Variants in MR1 observed in about 807,000 individuals in gnomAD.
MR1 encodes major histocompatibility complex, class I-related, also known as major histocompatibility complex class I-related protein 1.
A neutral mutation model predicts 37.8 loss-of-function variants in MR1; 44 were observed. That is an observed-to-expected ratio of 1.16 (90% CI 0.91 to 1.50). The LOEUF (loss-of-function observed/expected upper bound fraction) is 1.50. Ranked by LOEUF, MR1 falls within the 40% of genes most tolerant of loss-of-function variation. The pLI is 0.00. For synonymous variants in MR1, 153 were observed against 155.8 expected (o/e 0.98, Z 0.13); for missense variants, 386 against 419.1 (o/e 0.92, Z 0.69).
At chr1:181,052,075 C>T (rs1449601221) in intron 3 of MR1, among the ~76,000 whole-genome samples, 160 bp from the exon 4 acceptor site, 4 of 152,162 alleles carry the variant, frequency 2.6e-5, no homozygotes, top group Non-Finnish European at 4.4e-5. Flanking sequence ...GGAAGGTATA[C>T]GTAAATACGT....
At chr1:181,053,719 C>T in intron 5 of MR1, 42 bp downstream of exon 5, 1 of 1,351,718 alleles carries the variant, frequency 7.4e-7, no homozygotes, top group Non-Finnish European at 1.1e-6. Context: ...TGCAGACTCT[C>T]CTGCATCTCT....
In MR1 at chr1:181,060,172, T is replaced by G. The variant is rs1295668223; in HGVS notation, c.*4907T>G. 6.6e-6 allele frequency: 1 copy of G among 152,162 alleles called. No homozygotes were observed. Among genetic ancestry groups the G allele is most frequent in the Non-Finnish European group, 1.5e-5 (1 of 68,040 alleles). 9.4% of individuals were successfully genotyped at this position (152,162 alleles called of 1,614,324 possible). On this transcript the variant is annotated 3_prime_UTR_variant, in exon 6 of 6. Transcript: ENST00000367580. ...GTTCCTTGCCTTCTGGCTGCGTAAC[T>G]CTAGTCTTCATTTGGTGTTCTCCCT... is the stretch of plus-strand genomic sequence containing the variant.
At chr1:181,042,385 G>A (rs1657602539) in intron 1 of MR1, among the ~76,000 whole-genome samples, 1 of 151,346 alleles carries the variant, frequency 6.6e-6, no homozygotes, top group Non-Finnish European at 1.5e-5. Context: ...ATTTTTAGTA[G>A]AGATGGGGTT....
In MR1 at chr1:181,058,534, T is replaced by A. The variant is rs1658733254; in HGVS notation, c.*3269T>A. 2 of 152,234 alleles carry A rather than the reference T, an allele frequency of 1.3e-5. No homozygotes were observed. Among genetic ancestry groups the A allele is most frequent in the South Asian group, 4.1e-4 (2 of 4,826 alleles). 9.4% of individuals were successfully genotyped at this position (152,234 alleles called of 1,614,324 possible). On this transcript the variant is annotated 3_prime_UTR_variant, in exon 6 of 6. Transcript: ENST00000367580. ...CCATCAGGGGCCAGTCCTCCTTTCC[T>A]CTCTCCTCTTACTCCCATGATTTCC...
At chr1:181,047,920 A>ATAAAAAC (rs1658000065) in intron 1 of MR1, among the ~76,000 whole-genome samples, 1 of 150,456 alleles carries the variant, frequency 6.6e-6, no homozygotes, top group Non-Finnish European at 1.5e-5. Context: ...AAAATAAAAA[A>ATAAAAAC]TAAATAAAAT....
Position 181,052,240 on chromosome 1 carries a change from C to CTGGTCAGAGCCCCTGGATTTA in MR1, c.610_611insTGGTCAGAGCCCCTGGATTTA (p.Pro204delinsLeuValArgAlaProGlyPheThr), listed in dbSNP as rs1558120506. ...CTTTAGCTTCTTCTTCCTAGAGCCC[C>CTGGTCAGAGCCCCTGGATTTA]CACTGGTCAGAGTAAATCGCAAAGA... On this transcript the variant is annotated protein_altering_variant, in exon 4 of 6. Transcript: ENST00000367580. The CTGGTCAGAGCCCCTGGATTTA allele has an allele frequency of 1.9e-6, 3 of 1,613,566 alleles. No individual in the cohort carries two copies. The highest frequency in any genetic ancestry group is 2.5e-6 in the Non-Finnish European group (3 of 1,179,684).
At chr1:181,050,617 A>C in intron 3 of MR1, 2 of 333,888 alleles carry the variant, frequency 6.0e-6, no homozygotes, top group Non-Finnish European at 1.2e-5. Flanking sequence ...CAAACTGTTT[A>C]GTTAACAAAG....
At chr1:181,047,750 A>AT (rs1657988621) in intron 1 of MR1, among the ~76,000 whole-genome samples, 1 of 149,156 alleles carries the variant, frequency 6.7e-6, no homozygotes, top group African/African-American at 2.5e-5. Flanking sequence ...ATATACAAAA[A>AT]TTAGCTGGGC....
chr1:181,053,710 G>C (rs1658454021), intron 5 of MR1, 33 bp downstream of exon 5: 1 of 1,433,864 alleles, frequency 7.0e-7, no homozygotes, highest in Non-Finnish European at 9.8e-7. Context: ...CCAGGGGGCT[G>C]CAGACTCTCC....
At chr1:181,048,727 A>G (rs1392255287) in intron 1 of MR1, among the ~76,000 whole-genome samples, 4 of 152,172 alleles carry the variant, frequency 2.6e-5, no homozygotes, top group Non-Finnish European at 5.9e-5. Context: ...CTCCCCCTGT[A>G]TCCCCAATGA....
At chr1:181,048,971 C>G (rs560698056) in intron 1 of MR1, 81 bp from the exon 2 acceptor site, 31 of 1,535,860 alleles carry the variant, frequency 2.0e-5, no homozygotes, top group Non-Finnish European at 2.7e-5. Context: ...AGGGAGCACT[C>G]GTGTGGGGCT....
chr1:181,055,397 T>C lies in MR1; in HGVS notation c.*132T>C. On this transcript the variant is annotated 3_prime_UTR_variant, in exon 6 of 6. Coordinates refer to ENST00000367580, the MANE Select transcript of MR1 (RefSeq NM_001385161.1). ...TACATGAGAGTAATGGGATTGAGCATTTATGGCAGCAACAGAGGAGCCACA... is the reference window on the plus strand; with the variant it reads ...TACATGAGAGTAATGGGATTGAGCACTTATGGCAGCAACAGAGGAGCCACA... 1.3e-6 allele frequency: 1 copy of C among 779,730 alleles called. No individual in the cohort carries two copies. The highest frequency in any genetic ancestry group is 2.1e-6 in the Non-Finnish European group (1 of 467,472). The allele number at this position is 779,730 out of a possible 1,614,324, so 48.3% of individuals were successfully genotyped here.
Position 181,061,563 on chromosome 1 carries a change from G to A in MR1, c.*6298G>A, listed in dbSNP as rs1658901567. ...TTAGACTGGTAGAACCAGAACCACTGTGTAGTACATCCAAACGGTTAAAAT... is the reference window on the plus strand; with the variant it reads ...TTAGACTGGTAGAACCAGAACCACTATGTAGTACATCCAAACGGTTAAAAT... On this transcript the variant is annotated 3_prime_UTR_variant, in exon 6 of 6. Coordinates refer to ENST00000367580, the MANE Select transcript of MR1 (RefSeq NM_001385161.1). 6.6e-6 allele frequency: 1 copy of A among 152,224 alleles called. No homozygotes were observed. The highest frequency in any genetic ancestry group is 2.4e-5 in the African/African-American group (1 of 41,458). The allele number at this position is 152,224 out of a possible 1,614,324, so 9.4% of individuals were successfully genotyped here. A position where few individuals can be genotyped will look rare whatever the true frequency, so the allele number is the denominator to read the frequency against.
chr1:181,054,247 T>C (rs1024218724), intron 5 of MR1, among the ~76,000 whole-genome samples: 1 of 152,170 alleles, frequency 6.6e-6, no homozygotes. Context: ...ATTCATTCAG[T>C]AAGTATACAT....
intron 1 of MR1, among the ~76,000 whole-genome samples, chr1:181,045,912 G>A (rs1470036502): frequency 3.9e-5 from 6 of 152,244 alleles, no homozygotes; most frequent in Non-Finnish European, 8.8e-5. Context: ...TGGGCTTGGC[G>A]GGCCCTGCAC....
chr1:181,051,901 A>G (rs547143959), intron 3 of MR1, among the ~76,000 whole-genome samples: 64 of 152,324 alleles, frequency 4.2e-4, no homozygotes, highest in African/African-American at 1.5e-3. Flanking sequence ...TCACTTACAC[A>G]TTTTATGGGT....
chr1:181,055,965 C>T lies in MR1; in HGVS notation c.*700C>T, dbSNP rs1445039340. 6.6e-6 allele frequency: 1 copy of T among 152,232 alleles called. No individual in the cohort carries two copies. The highest frequency in any genetic ancestry group is 2.4e-5 in the African/African-American group (1 of 41,446). 9.4% of individuals were successfully genotyped at this position (152,232 alleles called of 1,614,324 possible). ...CCGGTTGGATCTATGGAGGTAGTCTCACCCTTTTTGTCTTTTGTGGGAAAT... is the reference window on the plus strand; with the variant it reads ...CCGGTTGGATCTATGGAGGTAGTCTTACCCTTTTTGTCTTTTGTGGGAAAT... On this transcript the variant is annotated 3_prime_UTR_variant, in exon 6 of 6. Transcript: ENST00000367580.
intron 1 of MR1, among the ~76,000 whole-genome samples, chr1:181,048,665 G>C (rs1044234687): frequency 2.6e-5 from 4 of 152,180 alleles, no homozygotes; most frequent in African/African-American, 9.6e-5. Context: ...AGAAGGCTGC[G>C]TCATCAGGGT....
chr1:181,042,797 ACT>A (rs1657639431), intron 1 of MR1, among the ~76,000 whole-genome samples: 2 of 152,052 alleles, frequency 1.3e-5, no homozygotes, highest in African/African-American at 2.4e-5. Context: ...ACAGAATGAG[ACT>A]CTGTCTCAAA....
Sources: allele counts gnomAD v4.1 joint callset (sites outside exome capture counted in the v4.1 genomes callset), GRCh38; gene constraint gnomAD v4.1.1; transcripts MANE v1.5; gene names NCBI Gene and HGNC (gene_info 2026-07-23, HGNC 2026-07-21).